BAIAP2: variants seen among roughly 807,000 people sequenced by gnomAD.
BAIAP2 encodes the protein BAR/IMD domain-containing adapter protein 2.
In BAIAP2, 18 loss-of-function variants were observed where a neutral mutation model predicts 63.0. The ratio of observed to expected loss-of-function variants is 0.29; its 90% confidence interval spans 0.20 to 0.42. BAIAP2 has a LOEUF of 0.42. Among genes scored for constraint, BAIAP2 ranks in the 10% least tolerant of loss-of-function variants. The pLI, the probability that BAIAP2 is intolerant of heterozygous loss-of-function variation, is 1.00. For missense variants in BAIAP2, 610 were observed against 734.3 expected (o/e 0.83, Z 1.96); for synonymous variants, 386 against 307.6 (o/e 1.25, Z -2.67).
intron 13 of BAIAP2, among the ~76,000 whole-genome samples, chr17:81,111,314 C>T (rs2059903373): frequency 6.6e-6 from 1 of 152,248 alleles, no homozygotes; most frequent in Non-Finnish European, 1.5e-5. Flanking sequence ...GCAGCCCGGG[C>T]CTTTCCCGCC....
intron 2 of BAIAP2, chr17:81,056,324 C>T (rs987363762): frequency 3.3e-5 from 5 of 152,222 alleles, no homozygotes; most frequent in Non-Finnish European, 7.3e-5. Context: ...AATGAGAATC[C>T]AGAGTCCAGA....
intron 3 of BAIAP2, among the ~76,000 whole-genome samples, chr17:81,058,401 G>A (rs1005546952): frequency 2.6e-5 from 4 of 152,250 alleles, no homozygotes; most frequent in African/African-American, 9.6e-5. Flanking sequence ...GGCAGGTTAT[G>A]TTATTGATGC....
chr17:81,063,352 G>T (rs577892062), intron 3 of BAIAP2, among the ~76,000 whole-genome samples: 24 of 152,132 alleles, frequency 1.6e-4, no homozygotes, highest in South Asian at 4.1e-4. Context: ...CTGTGTTCTT[G>T]CCACACGCGG....
At chr17:81,074,668 G>A (rs1218672097) in intron 3 of BAIAP2, among the ~76,000 whole-genome samples, 2 of 148,280 alleles carry the variant, frequency 1.3e-5, no homozygotes, top group African/African-American at 2.5e-5. Flanking sequence ...CTGCGTGCAC[G>A]GATGCGTATG....
chr17:81,086,085 G>A (rs983580240), intron 5 of BAIAP2, among the ~76,000 whole-genome samples: 5 of 152,040 alleles, frequency 3.3e-5, no homozygotes, highest in Admixed American at 2.6e-4. Context: ...ACTCCTGTCC[G>A]CTGGCAGGAA....
chr17:81,035,220 C>T lies in BAIAP2; in HGVS notation c.-35C>T, dbSNP rs763370077. ...CGCTGCTGCCGCCGCTTGCGTCCCC[C>T]GCTCCGGTCTGTGGTGCAGCCGGGA... On this transcript the variant is annotated 5_prime_UTR_variant, in exon 1 of 14. Coordinates refer to ENST00000428708, the MANE Select transcript of BAIAP2 (RefSeq NM_001144888.2). 1.4e-5 allele frequency: 20 copies of T among 1,467,340 alleles called. No individual in the cohort carries two copies. In the East Asian group the frequency reaches 4.1e-4, roughly 30 times the overall value. 90.9% of individuals were successfully genotyped at this position (1,467,340 alleles called of 1,614,324 possible). A position where few individuals can be genotyped will look rare whatever the true frequency, so the allele number is the denominator to read the frequency against.
At chr17:81,056,266 G>A (rs1321691143) in intron 2 of BAIAP2, 1 of 152,256 alleles carries the variant, frequency 6.6e-6, no homozygotes, top group African/African-American at 2.4e-5. Flanking sequence ...CTGTGAATGA[G>A]ACCAGTTGTT....
At chr17:81,070,754 G>A (rs1598625567) in intron 3 of BAIAP2, among the ~76,000 whole-genome samples, 1 of 152,228 alleles carries the variant, frequency 6.6e-6, no homozygotes, top group Admixed American at 6.5e-5. Flanking sequence ...CGGGTGGATG[G>A]CCGCTGACCC....
At position 81,055,662 on chromosome 17, in the gene BAIAP2, T is replaced by A. The variant is rs372637426; in HGVS notation, c.130+1919T>A. On this transcript the variant is annotated intron_variant, in intron 2 of 13. Transcript: ENST00000428708. ...CTCCCTGCAAACTCTGCCTCCCGGG[T>A]TCACGCCATTCTCCTGCCTCAGCCT... Among the ~76,000 whole-genome samples, 65 of 148,048 alleles carry A rather than the reference T, an allele frequency of 4.4e-4. 1 individual carries two copies. The East Asian group carries it at 0.01, about 24-fold the overall frequency.
At chr17:81,042,189 C>T (rs11869318) in intron 1 of BAIAP2, among the ~76,000 whole-genome samples, 65,053 of 147,098 alleles carry the variant, frequency 0.44, 15,384 homozygotes, top group Non-Finnish European at 0.55. Context: ...TTTCCCAGCC[C>T]GGAAGGCAAT....
intron 3 of BAIAP2, among the ~76,000 whole-genome samples, chr17:81,059,512 G>A (rs752934099): frequency 6.6e-5 from 10 of 152,190 alleles, no homozygotes; most frequent in Non-Finnish European, 1.2e-4. Context: ...CAGAACTATC[G>A]TGGCTCACTG....
At chr17:81,086,394 G>T (rs748415517) in intron 5 of BAIAP2, 49 bp from the exon 6 acceptor site, 23 of 1,604,494 alleles carry the variant, frequency 1.4e-5, no homozygotes, top group African/African-American at 2.7e-5. Context: ...GGTCCGCGCT[G>T]CGTTGGGTTC....
rs1266697398 is a variant in BAIAP2, at chr17:81,046,785, GC to G, written c.55-6880del. Among the ~76,000 whole-genome samples, 3 of 152,022 alleles carry G rather than the reference GC, an allele frequency of 2.0e-5. No individual in the cohort carries two copies. The highest frequency in any genetic ancestry group is 7.3e-5 in the African/African-American group (3 of 41,378). On this transcript the variant is annotated intron_variant, in intron 1 of 13. Coordinates refer to ENST00000428708, the MANE Select transcript of BAIAP2 (RefSeq NM_001144888.2). The surrounding 1 kb of genome is among the most constrained non-coding windows in gnomAD (Gnocchi z 4.5). ...TTCCAGGCTTGGCTCTGTCCCGTGC[GC>G]CCTTCCCTGGAGCCTGGCATCCTAG...
At chr17:81,115,628 A>T (rs12450670) in intron 13 of BAIAP2, 142 bp from the exon 14 acceptor site, 2 of 980,772 alleles carry the variant, frequency 2.0e-6, no homozygotes, top group African/African-American at 3.2e-5. Flanking sequence ...AAAGCAGCGT[A>T]TATTGTCTGT....
chr17:81,070,591 C>CA (rs2052431880), intron 3 of BAIAP2, among the ~76,000 whole-genome samples: 1 of 152,186 alleles, frequency 6.6e-6, no homozygotes, highest in African/African-American at 2.4e-5. Flanking sequence ...AAGGCCCTGG[C>CA]GTGCCTGTCC....
chr17:81,040,941 G>A (rs1231101089), intron 1 of BAIAP2, among the ~76,000 whole-genome samples: 1 of 152,196 alleles, frequency 6.6e-6, no homozygotes, highest in Non-Finnish European at 1.5e-5. Flanking sequence ...TGGTGGGGAG[G>A]TAGGGCCTGA....
rs180690783 is a variant in BAIAP2, at chr17:81,092,800, T to C, written c.489+6220T>C. ...GACGTGCCCGTCTGCCTGGAGGGAA[T>C]GTTCTCCACACCACGCGGGGCACGG... On this transcript the variant is annotated intron_variant, in intron 6 of 13. Coordinates refer to ENST00000428708, the MANE Select transcript of BAIAP2 (RefSeq NM_001144888.2). 5.5e-4 allele frequency among the ~76,000 whole-genome samples: 84 copies of C among 152,222 alleles called. 1 individual carries two copies. The highest frequency in any genetic ancestry group is 1.0e-3 in the Non-Finnish European group (68 of 68,014).
chr17:81,114,726 C>T (rs2060321055), intron 13 of BAIAP2, among the ~76,000 whole-genome samples: 1 of 152,194 alleles, frequency 6.6e-6, no homozygotes, highest in Non-Finnish European at 1.5e-5. Context: ...TGTGCCTCTT[C>T]CTGGGCAGCT....
chr17:81,116,193 C>CT lies in BAIAP2; in HGVS notation c.*356dup, dbSNP rs759565692. On this transcript the variant is annotated 3_prime_UTR_variant, in exon 14 of 14. Transcript: ENST00000428708. ...GGAGGGGAGCCTGGCTGCCCTGCTG[C>CT]TTCTCCTGCCTAATAAACAGGCTTC... The CT allele has an allele frequency of 1.9e-5, 31 of 1,607,258 alleles. No individual in the cohort carries two copies. The South Asian group carries it at 3.4e-4, about 18-fold the overall frequency.
Sources: gnomAD v4.1 joint callset for allele counts (sites outside exome capture counted in the v4.1 genomes callset) on GRCh38, gnomAD v4.1.1 for gene constraint, Gnocchi (gnomAD v3.1) non-coding constraint, MANE v1.5 for transcripts, NCBI Gene and HGNC (gene_info 2026-07-23, HGNC 2026-07-21) for gene names.